Variants in MYOM3 observed in about 807,000 individuals in gnomAD.
MYOM3 encodes the protein myomesin-3.
In MYOM3, 155 loss-of-function variants were observed where a neutral mutation model predicts 191.7. That is an observed-to-expected ratio of 0.81 (90% CI 0.71 to 0.92). The LOEUF is 0.92. Among genes scored for constraint, MYOM3 ranks in the 40% least tolerant of loss-of-function variants. The pLI, the probability that MYOM3 is intolerant of heterozygous loss-of-function variation, is 0.00. For missense variants in MYOM3, 1,889 were observed against 1,890.6 expected, an observed-to-expected ratio of 1.00 and a Z score of 0.02; for synonymous variants, 757 against 762.9, an observed-to-expected ratio of 0.99 and a Z score of 0.13.
intron 6 of MYOM3, 55 bp downstream of exon 6, chr1:24,099,625 G>T: frequency 1.4e-6 from 2 of 1,397,194 alleles, no homozygotes; most frequent in Non-Finnish European, 1.0e-6. Context: ...TCCTGCTCTG[G>T]CCTCGGCGGT....
In MYOM3 at chr1:24,065,835, C is replaced by T. The variant is rs139328461; in HGVS notation, c.3534+56G>A. On this transcript the variant is annotated intron_variant, in intron 29 of 36. Coordinates refer to ENST00000374434, the MANE Select transcript of MYOM3 (RefSeq NM_152372.4). Reference sequence around the variant, plus strand: ...GACTCCCAGCCCAGAGCTCTTGGCCCTCCCTGGCTTGCAGCCAAAGGAGAA... The same window carrying T: ...GACTCCCAGCCCAGAGCTCTTGGCCTTCCCTGGCTTGCAGCCAAAGGAGAA... The T allele has an allele frequency of 0.024, 31,490 of 1,339,426 alleles. 489 individuals carry two copies. Among genetic ancestry groups the T allele is most frequent in the Middle Eastern group, 0.039 (217 of 5,526 alleles). 83.0% of individuals were successfully genotyped at this position (1,339,426 alleles called of 1,614,324 possible).
chr1:24,067,312 C>T (rs1643452169), intron 27 of MYOM3, among the ~76,000 whole-genome samples: 1 of 120,214 alleles, frequency 8.3e-6, no homozygotes, highest in Non-Finnish European at 1.7e-5. Flanking sequence ...TTCCTTCTTT[C>T]TTTCTTTCTT....
At chr1:24,106,108 G>T in intron 4 of MYOM3, 31 bp from the exon 5 acceptor site, 1 of 1,570,928 alleles carries the variant, frequency 6.4e-7, no homozygotes. Flanking sequence ...ATGACGCTGT[G>T]AGCCAGGGAC....
In MYOM3 at chr1:24,090,906, C is replaced by T. The variant is rs144658554; in HGVS notation, c.1323G>A (p.Gln441=). 50 of 1,614,104 alleles carry T rather than the reference C, an allele frequency of 3.1e-5. No individual in the cohort carries two copies. In the African/African-American group the frequency reaches 5.6e-4, roughly 18 times the overall value. ...RCPIQGLVEG[Q]SYRFRVRAIS... ...TGGCTCTCACCCGGAACCGATAGCT[C>T]TGACCTTCGACGAGGCCTTGGATTG... The change falls in exon 12 of 37, where the codon CAG becomes CAA. Residue 441 remains glutamine (Q), a synonymous_variant. Coordinates refer to ENST00000374434, the MANE Select transcript of MYOM3 (RefSeq NM_152372.4).
intron 28 of MYOM3, chr1:24,066,474 C>T (rs1209140067): frequency 9.3e-6 from 5 of 538,640 alleles, no homozygotes; most frequent in South Asian, 2.2e-5. Context: ...GAGCACCCAC[C>T]CTCCCCTTCC....
intron 35 of MYOM3, 93 bp from the exon 36 acceptor site, chr1:24,059,072 G>C: frequency 1.2e-6 from 1 of 814,514 alleles, no homozygotes; most frequent in Non-Finnish European, 2.0e-6. Flanking sequence ...TTTAAGCAAG[G>C]CTTCTTTTTT....
At position 24,087,911 on chromosome 1, in the gene MYOM3, T is replaced by C. The variant is rs1464014177; in HGVS notation, c.1615-1084A>G. Among the ~76,000 whole-genome samples, 1 of 152,224 alleles carries C rather than the reference T, an allele frequency of 6.6e-6. No individual in the cohort carries two copies. The highest frequency in any genetic ancestry group is 1.5e-5 in the Non-Finnish European group (1 of 68,036). On this transcript the variant is annotated intron_variant, in intron 14 of 36. Coordinates refer to ENST00000374434, the MANE Select transcript of MYOM3 (RefSeq NM_152372.4). This position sits in a 1 kb window ranked among gnomAD's most constrained non-coding sequence, Gnocchi z 4.5. ...TGAACAAATGAATGAATTCTCACAA[T>C]AACCCTGCAGGAAGGTGTTAATTTC... is the stretch of plus-strand genomic sequence containing the variant.
At chr1:24,064,205 A>C in intron 29 of MYOM3, 46 bp from the exon 30 acceptor site, 1 of 1,498,650 alleles carries the variant, frequency 6.7e-7, no homozygotes, top group Non-Finnish European at 9.2e-7. Context: ...GGGCTCCAGA[A>C]GGAGAGATGG....
In MYOM3 at chr1:24,097,967, T is replaced by C. The variant is rs1187855699; in HGVS notation, c.701A>G (p.Asn234Ser). 1 of 1,613,998 alleles carries C rather than the reference T, an allele frequency of 6.2e-7. No homozygotes were observed. The highest frequency in any genetic ancestry group is 8.5e-7 in the Non-Finnish European group (1 of 1,179,882). ...DSATYTVRVK[N>S]AHGQASSFAK... ...GAAGGAGGAGGCCTGGCCGTGGGCG[T>C]TCTTCACTCGCACAGTGTAAGTTGC... Residue 234 changes from asparagine (N) to serine (S), a missense_variant, in exon 7 of 37, where the codon AAC becomes AGC. Asn to Ser is a conservative substitution (Grantham distance 46). Coordinates refer to ENST00000374434, the MANE Select transcript of MYOM3 (RefSeq NM_152372.4).
chr1:24,092,234 A>G lies in MYOM3; in HGVS notation c.1172T>C (p.Leu391Pro). Reference protein sequence around the residue: ...CLDVNRDCLILTWAPPSDTRG... With the variant: ...CLDVNRDCLIPTWAPPSDTRG... Reference sequence around the variant, plus strand: ...GGTGTCACTGGGCGGGGCCCAAGTCAGGATGAGGCAGTCTCTGTTCACATC... The same window carrying G: ...GGTGTCACTGGGCGGGGCCCAAGTCGGGATGAGGCAGTCTCTGTTCACATC... Residue 391 changes from leucine (L) to proline (P), a missense_variant, in exon 11 of 37, where the codon CTG becomes CCG. Physicochemically the swap from Leu to Pro is moderately conservative, Grantham distance 98. Coordinates refer to ENST00000374434, the MANE Select transcript of MYOM3 (RefSeq NM_152372.4). The G allele has an allele frequency of 7.0e-7, 1 of 1,435,624 alleles. No homozygotes were observed. The highest frequency in any genetic ancestry group is 9.2e-7 in the Non-Finnish European group (1 of 1,085,890). 88.9% of individuals were successfully genotyped at this position (1,435,624 alleles called of 1,614,324 possible). A position where few individuals can be genotyped will look rare whatever the true frequency, so the allele number is the denominator to read the frequency against.
intron 5 of MYOM3, among the ~76,000 whole-genome samples, chr1:24,104,858 G>A (rs1643968847): frequency 6.6e-6 from 1 of 152,206 alleles, no homozygotes; most frequent in Non-Finnish European, 1.5e-5. Flanking sequence ...GTGCCCCAGT[G>A]CCTCAGTCAG....
chr1:24,084,305 C>T, intron 16 of MYOM3, 163 bp downstream of exon 16: 2 of 714,316 alleles, frequency 2.8e-6, no homozygotes, highest in Admixed American at 2.7e-5. Context: ...TCGCCTTCCG[C>T]CATAATCATA....
chr1:24,099,830 T>G, intron 5 of MYOM3, 55 bp from the exon 6 acceptor site: 94 of 1,314,914 alleles, frequency 7.1e-5, no homozygotes, highest in Non-Finnish European at 9.3e-5. Flanking sequence ...GGGAGGGGTC[T>G]GGAGCCTCTC....
chr1:24,077,060 G>C (rs969754680), intron 20 of MYOM3, among the ~76,000 whole-genome samples: 85 of 100,058 alleles, frequency 8.5e-4, no homozygotes, highest in Non-Finnish European at 1.5e-3. Flanking sequence ...GACCTCAGGT[G>C]ATCCACCCCC....
intron 33 of MYOM3, 106 bp from the exon 34 acceptor site, chr1:24,061,415 C>T: frequency 1.8e-6 from 2 of 1,121,806 alleles, no homozygotes; most frequent in East Asian, 5.1e-5. Context: ...GTCCTCCACT[C>T]TCCTCCCCAT....
intron 20 of MYOM3, among the ~76,000 whole-genome samples, chr1:24,076,507 CTTTTTTTTTTTTTTTTT>C (rs558326490): frequency 4.1e-5 from 2 of 49,106 alleles, no homozygotes; most frequent in East Asian, 8.2e-4. Flanking sequence ...CCTAATGTTT[CTTTTTTTTTTTTTTTTT>C]TTTTTTTGAG....
intron 8 of MYOM3, 127 bp from the exon 9 acceptor site, chr1:24,095,117 C>G: frequency 9.6e-7 from 1 of 1,040,420 alleles, no homozygotes; most frequent in Non-Finnish European, 1.4e-6. Context: ...GGGGACCTGG[C>G]CTTGGGGTAG....
At chr1:24,095,391 G>T in intron 8 of MYOM3, 51 bp downstream of exon 8, 1 of 1,559,468 alleles carries the variant, frequency 6.4e-7, no homozygotes, top group Non-Finnish European at 8.8e-7. Flanking sequence ...GGGTCGGGGA[G>T]CAAAGCCTGA....
intron 28 of MYOM3, 98 bp downstream of exon 28, chr1:24,066,923 A>C: frequency 9.1e-7 from 1 of 1,098,216 alleles, no homozygotes; most frequent in Non-Finnish European, 1.3e-6. Context: ...AGAGTATGGA[A>C]TTTAGGGGGC....
Sources: allele counts gnomAD v4.1 joint callset (sites outside exome capture counted in the v4.1 genomes callset), GRCh38; gene constraint gnomAD v4.1.1; non-coding constraint Gnocchi (gnomAD v3.1); transcripts MANE v1.5; gene names NCBI Gene and HGNC (gene_info 2026-07-23, HGNC 2026-07-21).